SCFD2: variants seen among roughly 807,000 people sequenced by gnomAD.
SCFD2 encodes the protein sec1 family domain-containing protein 2.
In SCFD2, 54 loss-of-function variants were observed where a neutral mutation model predicts 58.9. That is an observed-to-expected ratio of 0.92 (90% CI 0.74 to 1.15). The LOEUF (loss-of-function observed/expected upper bound fraction) is 1.15. SCFD2 is among the 50% of genes most tolerant of loss of function. The pLI, the probability that SCFD2 is intolerant of heterozygous loss-of-function variation, is 0.00. For missense variants in SCFD2, 805 were observed against 836.6 expected (o/e 0.96, Z 0.47); for synonymous variants, 321 against 335.9 (o/e 0.96, Z 0.49).
intron 5 of SCFD2, among the ~76,000 whole-genome samples, chr4:52,942,685 T>G (rs2109515977): frequency 6.6e-6 from 1 of 152,252 alleles, no homozygotes; most frequent in South Asian, 2.1e-4. Flanking sequence ...TTTGTTAAAG[T>G]TACCTTTACG....
chr4:53,128,779 T>TAA (rs1725705984), intron 5 of SCFD2, among the ~76,000 whole-genome samples: 1 of 152,218 alleles, frequency 6.6e-6, no homozygotes, highest in Admixed American at 6.5e-5. Flanking sequence ...CTATGAACTA[T>TAA]AACTACAGTG....
chr4:52,961,463 T>G (rs1358537259), intron 5 of SCFD2, among the ~76,000 whole-genome samples: 1 of 152,162 alleles, frequency 6.6e-6, no homozygotes, highest in Admixed American at 6.5e-5. Context: ...TATCAGCTGT[T>G]TATTTTAATC....
At chr4:52,896,464 T>TA (rs1310731923) in intron 7 of SCFD2, among the ~76,000 whole-genome samples, 3 of 152,192 alleles carry the variant, frequency 2.0e-5, no homozygotes, top group Admixed American at 1.3e-4. Flanking sequence ...AAAGATCAGA[T>TA]AGTTGTAGAT....
Position 53,260,264 on chromosome 4 carries a change from T to C in SCFD2, c.1311+13562A>G, listed in dbSNP as rs547360290. ...GCTCTGGCTAGGACTCCCAGTACTA[T>C]GTTGAACAGAAGTGATGAGAGTGTG... On this transcript the variant is annotated intron_variant, in intron 4 of 8. Transcript: ENST00000401642. Among the ~76,000 whole-genome samples the C allele has an allele frequency of 7.9e-5, 12 of 152,300 alleles. No homozygotes were observed. In the South Asian group the frequency reaches 2.3e-3, roughly 29 times the overall value.
intron 5 of SCFD2, among the ~76,000 whole-genome samples, chr4:52,980,768 C>T (rs574037105): frequency 4.9e-4 from 74 of 152,276 alleles, no homozygotes; most frequent in Non-Finnish European, 6.9e-4. Flanking sequence ...ACTCATGACA[C>T]TTTGTCTGAT....
intron 1 of SCFD2, among the ~76,000 whole-genome samples, chr4:53,364,647 C>A (rs1226508037): frequency 6.6e-6 from 1 of 152,166 alleles, no homozygotes; most frequent in Admixed American, 6.5e-5. Context: ...TTTCCTAAAC[C>A]TCAATTGTCT....
In SCFD2 at chr4:53,299,492, G is replaced by A. The variant is rs571883503; in HGVS notation, c.1135+14144C>T. Among the ~76,000 whole-genome samples the A allele has an allele frequency of 5.8e-4, 89 of 152,320 alleles. No homozygotes were observed. The Middle Eastern group carries it at 0.014, about 23-fold the overall frequency. Reference sequence around the variant, plus strand: ...CTGATTGGTGTACCTGAAAGTGACAGGGAGAATGGAACCAAGTTGGAAAAC... The same window carrying A: ...CTGATTGGTGTACCTGAAAGTGACAAGGAGAATGGAACCAAGTTGGAAAAC... On this transcript the variant is annotated intron_variant, in intron 3 of 8. Coordinates refer to ENST00000401642, the MANE Select transcript of SCFD2 (RefSeq NM_152540.4).
chr4:52,943,866 T>C (rs1050418099), intron 5 of SCFD2, among the ~76,000 whole-genome samples: 2 of 152,282 alleles, frequency 1.3e-5, no homozygotes, highest in African/African-American at 4.8e-5. Flanking sequence ...GTGCCTAAAA[T>C]AGAACCATGT....
intron 5 of SCFD2, among the ~76,000 whole-genome samples, chr4:52,929,381 C>T (rs982315583): frequency 4.6e-5 from 7 of 152,182 alleles, no homozygotes; most frequent in Non-Finnish European, 1.0e-4. Flanking sequence ...GCACTACTTT[C>T]TAAAGCCTCC....
intron 5 of SCFD2, among the ~76,000 whole-genome samples, chr4:52,994,446 C>G (rs547863614): frequency 6.6e-6 from 1 of 152,186 alleles, no homozygotes; most frequent in Admixed American, 6.5e-5. Flanking sequence ...TCAGTGCCAT[C>G]GGTGCCCTCA....
chr4:52,928,441 G>A (rs1719912242), intron 5 of SCFD2, among the ~76,000 whole-genome samples: 1 of 152,180 alleles, frequency 6.6e-6, no homozygotes, highest in African/African-American at 2.4e-5. Flanking sequence ...ACCTCAGCAG[G>A]TGTGGAGGTA....
At chr4:53,291,578 C>T (rs765646638) in intron 3 of SCFD2, among the ~76,000 whole-genome samples, 2 of 151,816 alleles carry the variant, frequency 1.3e-5, no homozygotes, top group Non-Finnish European at 2.9e-5. Flanking sequence ...CAATGTTATC[C>T]CCATTAAACT....
At chr4:53,032,942 T>C (rs1221255796) in intron 5 of SCFD2, among the ~76,000 whole-genome samples, 7 of 152,124 alleles carry the variant, frequency 4.6e-5, no homozygotes, top group Non-Finnish European at 8.8e-5. Flanking sequence ...ATTCAGGACT[T>C]GGACTCAGTT....
rs376282414 is a variant in SCFD2, at chr4:52,987,311, C to T, written c.1562-66441G>A. On this transcript the variant is annotated intron_variant, in intron 5 of 8. Transcript: ENST00000401642. Reference sequence around the variant, plus strand: ...GATTACAGGGTTGAGCCACCGCACCCGGCCTGAAAAGATTTTTAAAATAAA... The same window carrying T: ...GATTACAGGGTTGAGCCACCGCACCTGGCCTGAAAAGATTTTTAAAATAAA... Among the ~76,000 whole-genome samples the T allele has an allele frequency of 7.9e-5, 12 of 152,314 alleles. No homozygotes were observed. The East Asian group carries it at 9.6e-4, about 12-fold the overall frequency.
At chr4:52,953,431 G>A (rs974426379) in intron 5 of SCFD2, among the ~76,000 whole-genome samples, 5 of 152,168 alleles carry the variant, frequency 3.3e-5, no homozygotes, top group East Asian at 1.9e-4. Flanking sequence ...CACAGACAGC[G>A]CTGGACACCA....
At chr4:53,216,193 A>G (rs548934336) in intron 4 of SCFD2, among the ~76,000 whole-genome samples, 7 of 152,104 alleles carry the variant, frequency 4.6e-5, no homozygotes, top group South Asian at 4.1e-4. Flanking sequence ...TCCTTTTTCT[A>G]TTGATTGGAA....
chr4:53,137,998 G>C (rs879335500), intron 5 of SCFD2, among the ~76,000 whole-genome samples: 6 of 152,150 alleles, frequency 3.9e-5, no homozygotes, highest in Non-Finnish European at 7.4e-5. Context: ...TTGTTCATAA[G>C]AGTCTCGTCC....
At chr4:53,317,608 TTC>T (rs1732904185) in intron 2 of SCFD2, among the ~76,000 whole-genome samples, 4 of 152,264 alleles carry the variant, frequency 2.6e-5, no homozygotes, top group Admixed American at 6.5e-5. Flanking sequence ...GTGCAAAACT[TTC>T]TGTTTTCCTA....
chr4:53,332,086 G>A (rs1414523202), intron 2 of SCFD2, among the ~76,000 whole-genome samples: 2 of 152,052 alleles, frequency 1.3e-5, no homozygotes, highest in African/African-American at 4.8e-5. Flanking sequence ...AACCGGAGCT[G>A]AAATTGTGGC....
Sources: gnomAD v4.1 joint callset for allele counts (sites outside exome capture counted in the v4.1 genomes callset) on GRCh38, gnomAD v4.1.1 for gene constraint, MANE v1.5 for transcripts, NCBI Gene and HGNC (gene_info 2026-07-23, HGNC 2026-07-21) for gene names.